The following APOO variants were observed in gnomAD, a reference collection of about 807,000 sequenced individuals.
APOO encodes apolipoprotein O.
APOO carries 11 observed loss-of-function variants against 23.1 expected under a neutral mutation model. That is an observed-to-expected ratio of 0.48 (90% CI 0.30 to 0.79). The LOEUF (loss-of-function observed/expected upper bound fraction) is 0.79. Ranked by LOEUF, APOO falls within the 30% of genes least tolerant of loss-of-function variation. The pLI, the probability that APOO is intolerant of heterozygous loss-of-function variation, is 0.07. For missense variants in APOO, 160 were observed against 142.7 expected (o/e 1.12, Z -0.62); for synonymous variants, 59 against 54.8 (o/e 1.08, Z -0.34).
At chrX:23,884,486 G>A (rs1164053214) in intron 1 of APOO, among the ~76,000 whole-genome samples, 3 of 111,843 alleles carry the variant, frequency 2.7e-5, no homozygotes, top group Non-Finnish European at 5.6e-5. Flanking sequence ...TATATTTATT[G>A]TGTACAACAT....
chrX:23,861,818 T>A, intron 5 of APOO, among the ~76,000 whole-genome samples: 1 of 81,603 alleles, frequency 1.2e-5, no homozygotes, highest in African/African-American at 4.9e-5. Flanking sequence ...TTTTTTTTTT[T>A]CCCGAGACGG....
intron 3 of APOO, among the ~76,000 whole-genome samples, chrX:23,877,773 C>CA (rs753379740): frequency 4.0e-3 from 186 of 45,978 alleles, no homozygotes; most frequent in East Asian, 0.011. Context: ...GACTCCCTCT[C>CA]AAAAAAAAAA....
intron 5 of APOO, among the ~76,000 whole-genome samples, chrX:23,860,787 G>C (rs995997572): frequency 8.7e-5 from 9 of 103,843 alleles, no homozygotes; most frequent in African/African-American, 2.8e-4. Flanking sequence ...CTCCCAAAGT[G>C]CTGGGATCAC....
At chrX:23,907,529 T>C (rs974320511) in intron 1 of APOO, among the ~76,000 whole-genome samples, 165 bp downstream of exon 1, 8 of 112,222 alleles carry the variant, frequency 7.1e-5, no homozygotes, top group Admixed American at 2.8e-4. Flanking sequence ...TCATCCCCAG[T>C]AGACCAGTGA....
intron 2 of APOO, among the ~76,000 whole-genome samples, chrX:23,880,201 T>A (rs1470098539): frequency 9.0e-6 from 1 of 110,791 alleles, no homozygotes; most frequent in Non-Finnish European, 1.9e-5. Context: ...AGAATCAAGA[T>A]AAGCCAAGAA....
intron 1 of APOO, among the ~76,000 whole-genome samples, chrX:23,895,858 G>A (rs1288245619): frequency 9.6e-6 from 1 of 104,058 alleles, no homozygotes; most frequent in African/African-American, 3.5e-5. Context: ...AAGAAGAAAA[G>A]AAAATGGCAT....
At chrX:23,841,955 T>C (rs1310714607) in intron 7 of APOO, among the ~76,000 whole-genome samples, 1 of 111,621 alleles carries the variant, frequency 9.0e-6, no homozygotes, top group African/African-American at 3.3e-5. Context: ...GAACCTTCTA[T>C]TCCCTTTCAT....
chrX:23,895,648 G>C (rs1390707616), intron 1 of APOO, among the ~76,000 whole-genome samples: 2 of 110,477 alleles, frequency 1.8e-5, no homozygotes, highest in South Asian at 7.6e-4. Flanking sequence ...CCAGGACTTA[G>C]AGTAAAATAG....
intron 2 of APOO, among the ~76,000 whole-genome samples, chrX:23,879,308 C>T (rs975747688): frequency 1.8e-5 from 2 of 111,265 alleles, no homozygotes; most frequent in Non-Finnish European, 3.8e-5. Flanking sequence ...TCGCGGTAGG[C>T]GCCTGTAATC....
chrX:23,885,114 T>C (rs896457142), intron 1 of APOO, among the ~76,000 whole-genome samples: 1 of 110,160 alleles, frequency 9.1e-6, no homozygotes, highest in South Asian at 3.9e-4. Context: ...TAAAGCACAG[T>C]AAGGCCGGGT....
chrX:23,843,579 C>CTTTT (rs747271141), intron 7 of APOO, among the ~76,000 whole-genome samples: 23 of 61,717 alleles, frequency 3.7e-4, no homozygotes, highest in Non-Finnish European at 4.9e-4. Flanking sequence ...ATGACAATTT[C>CTTTT]TTTTTTTTTT....
chrX:23,850,830 A>AAAC (rs1426429211), intron 7 of APOO, among the ~76,000 whole-genome samples: 1 of 111,588 alleles, frequency 9.0e-6, no homozygotes, highest in Non-Finnish European at 1.9e-5. Context: ...CCGTCTATTA[A>AAAC]AACAACAACA....
At chrX:23,861,258 C>T (rs1480271371) in intron 5 of APOO, among the ~76,000 whole-genome samples, 2 of 110,865 alleles carry the variant, frequency 1.8e-5, no homozygotes, top group African/African-American at 3.3e-5. Context: ...TGGTGCTGTC[C>T]TTGTGCAACA....
At chrX:23,899,277 C>G (rs1020024828) in intron 1 of APOO, among the ~76,000 whole-genome samples, 17 of 112,484 alleles carry the variant, frequency 1.5e-4, no homozygotes, top group Non-Finnish European at 3.2e-4. Context: ...AAAGCTGTAT[C>G]AGGAAAATAT....
In APOO at chrX:23,899,287, T is replaced by C. The variant is rs758550539; in HGVS notation, c.9+8407A>G. On this transcript the variant is annotated intron_variant, in intron 1 of 8. Transcript: ENST00000379226. ...TGCATAAAGCTGTATCAGGAAAATA[T>C]AGCTTAACAATCAAAGTCATAGGCT... Among the ~76,000 whole-genome samples the C allele has an allele frequency of 8.0e-5, 9 of 112,681 alleles. No individual in the cohort carries two copies. In the East Asian group the frequency reaches 2.2e-3, roughly 28 times the overall value.
At chrX:23,903,178 G>A (rs1364682367) in intron 1 of APOO, among the ~76,000 whole-genome samples, 1 of 111,028 alleles carries the variant, frequency 9.0e-6, no homozygotes, top group Non-Finnish European at 1.9e-5. Context: ...GACCAGCCTG[G>A]CCAGCATGGT....
intron 7 of APOO, among the ~76,000 whole-genome samples, chrX:23,855,740 A>G (rs1018513797): frequency 8.1e-5 from 9 of 111,662 alleles, no homozygotes; most frequent in Non-Finnish European, 1.7e-4. Context: ...AGTTCTTACA[A>G]TTACACAACT....
chrX:23,880,693 C>T (rs1048305498), intron 2 of APOO, 152 bp downstream of exon 2: 3 of 160,543 alleles, frequency 1.9e-5, no homozygotes, highest in South Asian at 4.4e-4. Context: ...AGCGAAACTC[C>T]GTCTCAAAAT....
At position 23,879,002 on chromosome X, in the gene APOO, C is replaced by T. The variant is rs748614689; in HGVS notation, c.150G>A (p.Ser50=). The T allele has an allele frequency of 1.2e-5, 14 of 1,209,748 alleles. No homozygotes were observed. The highest frequency in any genetic ancestry group is 3.0e-5 in the East Asian group (1 of 33,820). The part of the protein sequence containing the change: ...LSLYSVPEGQ[S]KYVEEARSQL... ...GGCTCCTTGCCTCCTCCACATACTT[C>T]GATTGACCCTCAGGAACTGAGTAGA... The change falls in exon 3 of 9, where the codon TCG becomes TCA. Residue 50 remains serine (S), a synonymous_variant. Coordinates refer to ENST00000379226, the MANE Select transcript of APOO (RefSeq NM_024122.5).
Sources: gnomAD v4.1 joint callset for allele counts (sites outside exome capture counted in the v4.1 genomes callset) on GRCh38, gnomAD v4.1.1 for gene constraint, MANE v1.5 for transcripts, NCBI Gene and HGNC (gene_info 2026-07-23, HGNC 2026-07-21) for gene names.